Variants in MGAT5 observed in about 807,000 individuals in gnomAD.
MGAT5 encodes the protein alpha-1,6-mannosylglycoprotein 6-beta-N-acetylglucosaminyltransferase, also known as alpha-1,6-mannosylglycoprotein 6-beta-N-acetylglucosaminyltransferase A.
Under a neutral mutation model 94.3 loss-of-function variants are expected in MGAT5, and 30 were observed. The ratio of observed to expected loss-of-function variants is 0.32; its 90% CI spans 0.24 to 0.43. The LOEUF (loss-of-function observed/expected upper bound fraction) is 0.43. MGAT5 is among the 20% of genes least tolerant of loss of function. The probability of loss-of-function intolerance (pLI) is 1.00; values close to 1 mark genes in which losing one functional copy is unlikely to be tolerated. For synonymous variants in MGAT5, 310 were observed against 322.9 expected, an observed-to-expected ratio of 0.96 and a Z score of 0.43; for missense variants, 691 against 905.5, an observed-to-expected ratio of 0.76 and a Z score of 3.04.
chr2:134,345,805 T>C (rs1398961698), intron 8 of MGAT5, among the ~76,000 whole-genome samples: 1 of 152,176 alleles, frequency 6.6e-6, no homozygotes, highest in Non-Finnish European at 1.5e-5. Flanking sequence ...TGAGAGTAGC[T>C]GTGAGTCTCA....
intron 1 of MGAT5, among the ~76,000 whole-genome samples, chr2:134,135,714 A>G (rs925788424): frequency 1.3e-5 from 2 of 149,086 alleles, no homozygotes; most frequent in African/African-American, 4.9e-5. Flanking sequence ...AAAAAAAAAA[A>G]GAAACCTTGG....
intron 11 of MGAT5, among the ~76,000 whole-genome samples, chr2:134,404,309 A>G (rs1232166664): frequency 1.3e-5 from 2 of 152,250 alleles, no homozygotes; most frequent in Non-Finnish European, 2.9e-5. Flanking sequence ...CTTCTAGGGC[A>G]TAATCTCAGT....
At chr2:134,364,191 A>G (rs991787104) in intron 10 of MGAT5, among the ~76,000 whole-genome samples, 7 of 152,090 alleles carry the variant, frequency 4.6e-5, no homozygotes, top group African/African-American at 1.7e-4. Context: ...TAAAAGGGTG[A>G]CTTTTCCATG....
At chr2:134,347,017 C>T (rs1688959575) in intron 8 of MGAT5, among the ~76,000 whole-genome samples, 2 of 152,124 alleles carry the variant, frequency 1.3e-5, no homozygotes, top group South Asian at 2.1e-4. Context: ...TACGGGAAGG[C>T]GAGCTGCCTT....
chr2:134,319,007 C>T (rs1573788559), intron 4 of MGAT5, among the ~76,000 whole-genome samples: 1 of 152,260 alleles, frequency 6.6e-6, no homozygotes. Flanking sequence ...GCCATCTTAA[C>T]CATTTTCAAA....
chr2:134,422,140 AG>A (rs1245945607), intron 12 of MGAT5, among the ~76,000 whole-genome samples: 2 of 149,136 alleles, frequency 1.3e-5, no homozygotes, highest in Admixed American at 1.3e-4. Context: ...ACTGGGCAAC[AG>A]AGCAAGACCC....
chr2:134,275,232 C>T (rs1485802075), intron 2 of MGAT5, among the ~76,000 whole-genome samples: 1 of 152,136 alleles, frequency 6.6e-6, no homozygotes. Context: ...TTGCAGGTGG[C>T]TTCCTATTAA....
intron 1 of MGAT5, among the ~76,000 whole-genome samples, chr2:134,198,241 C>T (rs540786926): frequency 1.3e-5 from 2 of 152,332 alleles, no homozygotes; most frequent in Admixed American, 1.3e-4. Flanking sequence ...TGTTCACCAG[C>T]CCTCAGTTGC....
At chr2:134,409,745 G>A (rs1310966904) in intron 11 of MGAT5, among the ~76,000 whole-genome samples, 2 of 152,188 alleles carry the variant, frequency 1.3e-5, no homozygotes, top group Non-Finnish European at 2.9e-5. Context: ...ACTCCACTTA[G>A]CAGTTTAAAA....
chr2:134,435,469 C>A (rs1685118980), intron 14 of MGAT5, among the ~76,000 whole-genome samples: 2 of 152,210 alleles, frequency 1.3e-5, no homozygotes, highest in African/African-American at 4.8e-5. Context: ...TCACTTCATT[C>A]TTTTCTAGAA....
At chr2:134,158,327 C>T (rs997739119) in intron 1 of MGAT5, among the ~76,000 whole-genome samples, 3 of 152,246 alleles carry the variant, frequency 2.0e-5, no homozygotes, top group African/African-American at 7.2e-5. Context: ...CACCCTCACC[C>T]CCTCTAAGCG....
At chr2:134,199,171 A>G (rs1679643821) in intron 1 of MGAT5, among the ~76,000 whole-genome samples, 1 of 152,202 alleles carries the variant, frequency 6.6e-6, no homozygotes, top group Non-Finnish European at 1.5e-5. Flanking sequence ...GGGAAATCTC[A>G]TGTATATAAT....
At chr2:134,274,807 A>G (rs931384442) in intron 2 of MGAT5, among the ~76,000 whole-genome samples, 1 of 152,236 alleles carries the variant, frequency 6.6e-6, no homozygotes, top group Non-Finnish European at 1.5e-5. Context: ...ATCCAAGTTG[A>G]ACTTACAGCA....
chr2:134,189,592 G>GTTTTTTTTTGTTTT (rs1689220674), intron 1 of MGAT5, among the ~76,000 whole-genome samples: 15 of 56,292 alleles, frequency 2.7e-4, no homozygotes, highest in Admixed American at 7.9e-4. Flanking sequence ...CATGGCTCTA[G>GTTTTTTTTTGTTTT]TTTTTTTTTG....
intron 2 of MGAT5, among the ~76,000 whole-genome samples, chr2:134,305,161 T>C (rs1158681979): frequency 2.0e-5 from 3 of 152,202 alleles, no homozygotes; most frequent in Non-Finnish European, 2.9e-5. Flanking sequence ...CTGCATTATC[T>C]TGCAATTTAT....
chr2:134,360,515 CT>C (rs1419366900), intron 9 of MGAT5, among the ~76,000 whole-genome samples: 2 of 152,002 alleles, frequency 1.3e-5, no homozygotes, highest in Non-Finnish European at 2.9e-5. Context: ...AAGCATCGTG[CT>C]TTAATCACCA....
At chr2:134,200,164 C>A (rs1243317752) in intron 1 of MGAT5, among the ~76,000 whole-genome samples, 2 of 149,108 alleles carry the variant, frequency 1.3e-5, no homozygotes, top group Non-Finnish European at 3.0e-5. Context: ...CCCATTCCCC[C>A]CCTGCCCCGC....
chr2:134,181,869 T>C (rs954815456), intron 1 of MGAT5, among the ~76,000 whole-genome samples: 3 of 152,248 alleles, frequency 2.0e-5, no homozygotes, highest in Admixed American at 6.5e-5. Flanking sequence ...CTAGGTGCAG[T>C]TCACATCTCT....
At chr2:134,169,917 T>C (rs187360314) in intron 1 of MGAT5, among the ~76,000 whole-genome samples, 75 of 152,304 alleles carry the variant, frequency 4.9e-4, no homozygotes, top group African/African-American at 1.6e-3. Flanking sequence ...TTGAAAGCAT[T>C]GGTGAAGTAA....
Sources: gnomAD v4.1 joint callset for allele counts (sites outside exome capture counted in the v4.1 genomes callset) on GRCh38, gnomAD v4.1.1 for gene constraint, MANE v1.5 for transcripts, NCBI Gene and HGNC (gene_info 2026-07-23, HGNC 2026-07-21) for gene names.